DSG4: variants seen among roughly 807,000 people sequenced by gnomAD.
The protein encoded by DSG4 is desmoglein 4, also known as desmoglein-4.
In DSG4, 87 loss-of-function variants were observed where a neutral mutation model predicts 93.1. The observed-to-expected ratio is 0.93, with a 90% CI of 0.79 to 1.12. The LOEUF is 1.12. Among genes scored for constraint, DSG4 ranks in the 50% most tolerant of loss-of-function variants. The pLI is 0.00. For synonymous variants in DSG4, 432 were observed against 452.9 expected (o/e 0.95, Z 0.59); for missense variants, 1,373 against 1,285.7 (o/e 1.07, Z -1.04).
At chr18:31,401,850 T>C (rs2072371662) in intron 10 of DSG4, among the ~76,000 whole-genome samples, 1 of 152,096 alleles carries the variant, frequency 6.6e-6, no homozygotes, top group African/African-American at 2.4e-5. Flanking sequence ...AAAACAAAAA[T>C]AAAGATAAAG....
intron 1 of DSG4, among the ~76,000 whole-genome samples, chr18:31,384,701 G>A (rs1164802414): frequency 6.6e-6 from 1 of 152,102 alleles, no homozygotes; most frequent in Non-Finnish European, 1.5e-5. Flanking sequence ...AAATATTATT[G>A]ACCGTTTCTG....
In DSG4 at chr18:31,413,676, A is replaced by T; in HGVS notation, c.*81A>T. The T allele has an allele frequency of 3.4e-6, 5 of 1,461,090 alleles. No homozygotes were observed. The highest frequency in any genetic ancestry group is 4.7e-6 in the Non-Finnish European group (5 of 1,057,604). 90.5% of individuals were successfully genotyped at this position (1,461,090 alleles called of 1,614,324 possible). On this transcript the variant is annotated 3_prime_UTR_variant, in exon 16 of 16. Coordinates refer to ENST00000308128, the MANE Select transcript of DSG4 (RefSeq NM_177986.5). ...ATCCACCAAAAATATATAATGTACCATATATATTAATAGTCAACAAATACT... is the reference window on the plus strand; with the variant it reads ...ATCCACCAAAAATATATAATGTACCTTATATATTAATAGTCAACAAATACT...
At chr18:31,389,196 GATAAA>G (rs961223012) in intron 5 of DSG4, among the ~76,000 whole-genome samples, 178 bp downstream of exon 5, 6 of 152,268 alleles carry the variant, frequency 3.9e-5, no homozygotes, top group African/African-American at 1.4e-4. Context: ...TGTCTAAAAT[GATAAA>G]ATAAAATATC....
At chr18:31,388,600 G>T in intron 4 of DSG4, 78 bp downstream of exon 4, 1 of 1,539,886 alleles carries the variant, frequency 6.5e-7, no homozygotes, top group Admixed American at 1.7e-5. Flanking sequence ...TTAAGATAAT[G>T]GATTACTTTT....
In DSG4 at chr18:31,388,346, T is replaced by A. The variant is rs757836441; in HGVS notation, c.217-21T>A. On this transcript the variant is annotated intron_variant, in intron 3 of 15. Transcript: ENST00000308128. Reference sequence around the variant, plus strand: ...TTATCTGCTCTAAACTGGATCACAATCCTAGCTATTTTTCTTATAGATTCG... The same window carrying A: ...TTATCTGCTCTAAACTGGATCACAAACCTAGCTATTTTTCTTATAGATTCG... 9.9e-6 allele frequency: 16 copies of A among 1,612,096 alleles called. No homozygotes were observed. The East Asian group carries it at 3.6e-4, about 36-fold the overall frequency.
chr18:31,402,428 A>G (rs1295422362), intron 10 of DSG4, among the ~76,000 whole-genome samples: 1 of 152,228 alleles, frequency 6.6e-6, no homozygotes, highest in Non-Finnish European at 1.5e-5. Context: ...TGCCTCTCGA[A>G]TGAGAAGCTA....
chr18:31,411,801 A>G (rs960286091), intron 15 of DSG4, among the ~76,000 whole-genome samples: 5 of 152,116 alleles, frequency 3.3e-5, no homozygotes, highest in African/African-American at 7.2e-5. Flanking sequence ...AGGTGCATTT[A>G]TGACCTCTGT....
At chr18:31,401,088 A>G (rs2072361190) in intron 10 of DSG4, 68 bp downstream of exon 10, 2 of 1,340,322 alleles carry the variant, frequency 1.5e-6, no homozygotes, top group East Asian at 5.1e-5. Flanking sequence ...TGTTATTCTA[A>G]TGCTGATATT....
intron 8 of DSG4, among the ~76,000 whole-genome samples, chr18:31,397,558 GAA>G (rs1476386381): frequency 6.6e-6 from 1 of 152,056 alleles, no homozygotes; most frequent in East Asian, 1.9e-4. Context: ...GTTGACCCCA[GAA>G]CAATTTCCTG....
chr18:31,400,391 C>T (rs2072351746), intron 9 of DSG4, among the ~76,000 whole-genome samples: 1 of 152,092 alleles, frequency 6.6e-6, no homozygotes, highest in African/African-American at 2.4e-5. Flanking sequence ...CCAGTGAGGT[C>T]AAGCACTTTA....
intron 14 of DSG4, among the ~76,000 whole-genome samples, chr18:31,410,041 G>T (rs1223396379): frequency 4.8e-4 from 73 of 152,102 alleles, no homozygotes; most frequent in Non-Finnish European, 4.4e-5. Context: ...AGAATGCTTG[G>T]GTTTGATTCC....
intron 14 of DSG4, 22 bp downstream of exon 14, chr18:31,409,830 T>A: frequency 1.2e-6 from 2 of 1,613,798 alleles, no homozygotes; most frequent in Non-Finnish European, 1.7e-6. Context: ...CCAAAATCTG[T>A]TTTTCCTTTT....
chr18:31,407,453 C>T (rs904135457), intron 12 of DSG4, among the ~76,000 whole-genome samples: 3 of 151,538 alleles, frequency 2.0e-5, no homozygotes, highest in African/African-American at 7.3e-5. Flanking sequence ...AAAAAGGGCC[C>T]TCCTTTCCCC....
Position 31,412,966 on chromosome 18 carries a change from T to G in DSG4, c.2494T>G (p.Cys832Gly). The change falls in exon 16 of 16, where the codon TGC (cysteine) becomes GGC (glycine). Residue 832 changes from cysteine (C) to glycine (G), a missense_variant. By Grantham distance (159) the Cys-to-Gly change is radical (BLOSUM62 -3). Coordinates refer to ENST00000308128, the MANE Select transcript of DSG4 (RefSeq NM_177986.5). Reference protein sequence around the residue: ...SWIVDDLDESCMETLDPKFRT... With the variant: ...SWIVDDLDESGMETLDPKFRT... ...GATTGTGGATGACTTAGATGAAAGC[T>G]GCATGGAAACTTTAGATCCAAAATT... The G allele has an allele frequency of 6.2e-7, 1 of 1,614,184 alleles. No individual in the cohort carries two copies. The highest frequency in any genetic ancestry group is 8.5e-7 in the Non-Finnish European group (1 of 1,180,038).
At chr18:31,406,416 A>G in intron 12 of DSG4, 43 bp downstream of exon 12, 1 of 1,612,536 alleles carries the variant, frequency 6.2e-7, no homozygotes, top group East Asian at 2.2e-5. Context: ...GTTCTTCAAA[A>G]TAGGGCTGTT....
intron 15 of DSG4, 36 bp downstream of exon 15, chr18:31,411,484 A>T: frequency 6.2e-7 from 1 of 1,603,722 alleles, no homozygotes; most frequent in Non-Finnish European, 8.5e-7. Context: ...AATCGTCTTG[A>T]GATTGAATAA....
chr18:31,391,083 C>T lies in DSG4; in HGVS notation c.690C>T (p.His230=), dbSNP rs144324362. ...TMSSFLDREQ[H]SMYNLVVRGS... ...TCTTTTTCATCTTGATTAAGCAACA[C>T]AGTATGTACAACCTGGTTGTGAGAG... The change falls in exon 7 of 16, where the codon CAC becomes CAT. Residue 230 remains histidine (H), a synonymous_variant. Coordinates refer to ENST00000308128, the MANE Select transcript of DSG4 (RefSeq NM_177986.5). 3.3e-5 allele frequency: 53 copies of T among 1,613,564 alleles called. No homozygotes were observed. In the African/African-American group the frequency reaches 5.1e-4, roughly 15 times the overall value.
Position 31,413,639 on chromosome 18 carries a change from A to ACAAGG in DSG4, c.*44_*45insCAAGG. ...TCTATGTGGAGACCTTGCACCTTGT[A>ACAAGG]ATCATCAATACATCCACCAAAAATA... On this transcript the variant is annotated 3_prime_UTR_variant, in exon 16 of 16. Coordinates refer to ENST00000308128, the MANE Select transcript of DSG4 (RefSeq NM_177986.5). 1 of 1,599,086 alleles carries ACAAGG rather than the reference A, an allele frequency of 6.3e-7. No individual in the cohort carries two copies. Among genetic ancestry groups the ACAAGG allele is most frequent in the Non-Finnish European group, 8.5e-7 (1 of 1,173,650 alleles).
At chr18:31,411,014 C>T (rs1320921615) in intron 14 of DSG4, 19 of 1,381,030 alleles carry the variant, frequency 1.4e-5, no homozygotes, top group East Asian at 2.5e-5. Flanking sequence ...GGGAAGGCCA[C>T]GTCCCACCAC....
Sources: allele counts gnomAD v4.1 joint callset (sites outside exome capture counted in the v4.1 genomes callset), GRCh38; gene constraint gnomAD v4.1.1; transcripts MANE v1.5; gene names NCBI Gene and HGNC (gene_info 2026-07-23, HGNC 2026-07-21).